Variants in PELI2 observed in about 807,000 individuals in gnomAD.
PELI2 encodes the protein pellino E3 ubiquitin protein ligase family member 2.
In PELI2, 23 loss-of-function variants were observed where a neutral mutation model predicts 42.3. The observed-to-expected ratio is 0.54, with a 90% CI of 0.39 to 0.77. The LOEUF is 0.77. PELI2 is among the 30% of genes least tolerant of loss of function. The probability of loss-of-function intolerance (pLI) is 0.00; values close to 1 mark genes in which losing one functional copy is unlikely to be tolerated. For synonymous variants in PELI2, 245 were observed against 212.2 expected, an observed-to-expected ratio of 1.15 and a Z score of -1.34; for missense variants, 463 against 553.2, an observed-to-expected ratio of 0.84 and a Z score of 1.64.
chr14:56,261,497 T>A (rs1465829131), intron 2 of PELI2, among the ~76,000 whole-genome samples: 3 of 152,224 alleles, frequency 2.0e-5, no homozygotes, highest in Admixed American at 6.5e-5. Context: ...TTTCCAATCC[T>A]ATGGTCTCAT....
At chr14:56,227,942 A>C (rs991624374) in intron 2 of PELI2, among the ~76,000 whole-genome samples, 5 of 152,236 alleles carry the variant, frequency 3.3e-5, no homozygotes, top group Non-Finnish European at 7.3e-5. Context: ...CCACCAAAAA[A>C]ATGCAGATTC....
intron 2 of PELI2, among the ~76,000 whole-genome samples, chr14:56,268,840 G>A (rs965482628): frequency 6.6e-6 from 1 of 152,156 alleles, no homozygotes; most frequent in Admixed American, 6.5e-5. Flanking sequence ...ACTGTGGTAT[G>A]TGACGCTTTC....
chr14:56,122,598 C>CTTTTT (rs34293379), intron 1 of PELI2, among the ~76,000 whole-genome samples: 1 of 149,280 alleles, frequency 6.7e-6, no homozygotes, highest in Non-Finnish European at 1.5e-5. Flanking sequence ...TTTTGCAAGA[C>CTTTTT]TTTTTTTTTT....
intron 2 of PELI2, among the ~76,000 whole-genome samples, chr14:56,188,965 G>A (rs894529112): frequency 3.9e-5 from 6 of 152,122 alleles, no homozygotes; most frequent in Non-Finnish European, 8.8e-5. Context: ...TTCGAGACCA[G>A]CCTGACCAAT....
At chr14:56,239,368 C>T (rs1212026747) in intron 2 of PELI2, among the ~76,000 whole-genome samples, 1 of 152,102 alleles carries the variant, frequency 6.6e-6, no homozygotes, top group East Asian at 1.9e-4. Context: ...CTGGACTTTC[C>T]AAGAGAATGT....
At chr14:56,275,336 G>A (rs1456549326) in intron 2 of PELI2, among the ~76,000 whole-genome samples, 2 of 152,158 alleles carry the variant, frequency 1.3e-5, no homozygotes, top group African/African-American at 2.4e-5. Context: ...GGACCGGGGA[G>A]GCACATGGTT....
intron 2 of PELI2, among the ~76,000 whole-genome samples, chr14:56,199,532 T>C (rs1037232712): frequency 1.3e-5 from 2 of 152,214 alleles, no homozygotes; most frequent in African/African-American, 4.8e-5. Flanking sequence ...AATAATTAAA[T>C]CTACCCAGTG....
At chr14:56,246,294 C>T (rs2052055976) in intron 2 of PELI2, among the ~76,000 whole-genome samples, 1 of 152,196 alleles carries the variant, frequency 6.6e-6, no homozygotes, top group African/African-American at 2.4e-5. Context: ...TATATTTACA[C>T]TCAAATCTGA....
In PELI2 at chr14:56,155,323, T is replaced by C. The variant is rs186588280; in HGVS notation, c.78-23012T>C. Among the ~76,000 whole-genome samples, 4 of 152,278 alleles carry C rather than the reference T, an allele frequency of 2.6e-5. No homozygotes were observed. In the East Asian group the frequency reaches 7.7e-4, roughly 29 times the overall value. ...AGGGATAAGATGAATAATTAACTGT[T>C]ATTTTATTTTATGACTGTTCAGATC... On this transcript the variant is annotated intron_variant, in intron 1 of 5. Coordinates refer to ENST00000267460, the MANE Select transcript of PELI2 (RefSeq NM_021255.3).
intron 1 of PELI2, among the ~76,000 whole-genome samples, chr14:56,137,892 T>C (rs915667558): frequency 2.6e-5 from 4 of 152,210 alleles, no homozygotes; most frequent in African/African-American, 9.7e-5. Context: ...GAGGTTGGGA[T>C]GAGCTTGCTT....
intron 2 of PELI2, among the ~76,000 whole-genome samples, chr14:56,243,106 C>G (rs1888034613): frequency 6.6e-6 from 1 of 151,710 alleles, no homozygotes; most frequent in Admixed American, 6.6e-5. Context: ...TTCTAGATGT[C>G]TGTCTGGTTG....
chr14:56,296,723 C>T lies in PELI2; in HGVS notation c.820C>T (p.Arg274Trp), dbSNP rs769727847. 1.9e-6 allele frequency: 3 copies of T among 1,614,094 alleles called. No homozygotes were observed. Among genetic ancestry groups the T allele is most frequent in the Admixed American group, 1.7e-5 (1 of 60,026 alleles). ...TPTQKHIEAL[R>W]QEINAARPQC... ...AACTCAGAAGCACATAGAAGCCCTC[C>T]GGCAGGAGATTAACGCCGCCCGGCC... The change falls in exon 6 of 6, where the codon CGG (arginine) becomes TGG (tryptophan). Residue 274 changes from arginine to tryptophan, a missense_variant. Physicochemically the swap from Arg to Trp is moderately radical, Grantham distance 101 (BLOSUM62 -3). Transcript: ENST00000267460.
rs538417448 is a variant in PELI2, at chr14:56,254,436, C to T, written c.208-25240C>T. On this transcript the variant is annotated intron_variant, in intron 2 of 5. Coordinates refer to ENST00000267460, the MANE Select transcript of PELI2 (RefSeq NM_021255.3). ...ATGGTGTTGGGAAAACTGGCTAGCC[C>T]TATGCAGAAAGCTGAAACTGGACCC... 2.0e-5 allele frequency among the ~76,000 whole-genome samples: 3 copies of T among 151,566 alleles called. No homozygotes were observed. In the East Asian group the frequency reaches 5.8e-4, roughly 29 times the overall value.
At chr14:56,126,249 A>G (rs1256654324) in intron 1 of PELI2, among the ~76,000 whole-genome samples, 2 of 152,300 alleles carry the variant, frequency 1.3e-5, no homozygotes, top group African/African-American at 2.4e-5. Flanking sequence ...GTGGTCATTA[A>G]TGCCTATTAA....
chr14:56,185,054 C>T (rs555160189), intron 2 of PELI2, among the ~76,000 whole-genome samples: 29 of 148,028 alleles, frequency 2.0e-4, no homozygotes, highest in Admixed American at 1.1e-3. Flanking sequence ...ATTTATATGG[C>T]TATTTTTTTA....
In PELI2 at chr14:56,180,064, T is replaced by G. The variant is rs1455026654; in HGVS notation, c.207+1600T>G. ...CATTTTAGCCTTTTATGTTTTACTT[T>G]TATACCTAGATTTTACTTCCAAGTT... On this transcript the variant is annotated intron_variant, in intron 2 of 5. Transcript: ENST00000267460. The surrounding 1 kb of genome is among the most constrained non-coding windows in gnomAD (Gnocchi z 4.4). 1.3e-5 allele frequency among the ~76,000 whole-genome samples: 2 copies of G among 152,236 alleles called. No individual in the cohort carries two copies. Among genetic ancestry groups the G allele is most frequent in the Non-Finnish European group, 2.9e-5 (2 of 68,036 alleles).
At chr14:56,257,054 A>G (rs1594690269) in intron 2 of PELI2, among the ~76,000 whole-genome samples, 1 of 152,200 alleles carries the variant, frequency 6.6e-6, no homozygotes, top group African/African-American at 2.4e-5. Context: ...GCCTGCTCAT[A>G]TATAAGGCTC....
At chr14:56,202,074 A>G (rs887447459) in intron 2 of PELI2, among the ~76,000 whole-genome samples, 3 of 152,350 alleles carry the variant, frequency 2.0e-5, no homozygotes, top group African/African-American at 7.2e-5. Flanking sequence ...AGTGTCACAC[A>G]ACTGCTAAGT....
chr14:56,164,197 T>C (rs1339593573), intron 1 of PELI2, among the ~76,000 whole-genome samples: 1 of 152,162 alleles, frequency 6.6e-6, no homozygotes, highest in Non-Finnish European at 1.5e-5. Flanking sequence ...ATAGCTCTTA[T>C]TATGTTGAGG....
Sources: gnomAD v4.1 joint callset for allele counts (sites outside exome capture counted in the v4.1 genomes callset) on GRCh38, gnomAD v4.1.1 for gene constraint, Gnocchi (gnomAD v3.1) non-coding constraint, MANE v1.5 for transcripts, NCBI Gene and HGNC (gene_info 2026-07-23, HGNC 2026-07-21) for gene names.